PSMD14: variants seen among roughly 807,000 people sequenced by gnomAD.
PSMD14 encodes ubiquitin C-terminal hydrolase PSMD14.
PSMD14 carries 7 observed loss-of-function variants against 41.2 expected under a neutral mutation model. That is an observed-to-expected ratio of 0.17 (90% confidence interval 0.10 to 0.32). The LOEUF is 0.32. Among genes scored for constraint, PSMD14 ranks in the 10% least tolerant of loss-of-function variants. The probability of loss-of-function intolerance (pLI) is 1.00; values close to 1 mark genes in which losing one functional copy is unlikely to be tolerated. For missense variants in PSMD14, 139 were observed against 375.6 expected (o/e 0.37, Z 5.21); for synonymous variants, 114 against 122.3 (o/e 0.93, Z 0.45).
At chr2:161,319,584 T>A (rs1689181645) in intron 3 of PSMD14, among the ~76,000 whole-genome samples, 1 of 152,092 alleles carries the variant, frequency 6.6e-6, no homozygotes, top group Non-Finnish European at 1.5e-5. Context: ...AAGAAATGAC[T>A]ATGTGTATTT....
intron 8 of PSMD14, among the ~76,000 whole-genome samples, chr2:161,390,582 T>C (rs915991502): frequency 2.6e-5 from 4 of 152,146 alleles, no homozygotes. Context: ...GATAAGAGCA[T>C]GAGCTAGACA....
chr2:161,354,121 G>A (rs1376770768), intron 3 of PSMD14, among the ~76,000 whole-genome samples: 2 of 152,248 alleles, frequency 1.3e-5, no homozygotes, highest in South Asian at 2.1e-4. Context: ...GTTATGAGAC[G>A]TTCAGGTTCT....
chr2:161,333,771 G>A (rs1388347362), intron 3 of PSMD14, among the ~76,000 whole-genome samples: 2 of 152,044 alleles, frequency 1.3e-5, no homozygotes, highest in South Asian at 2.1e-4. Context: ...GGTGGCTCAC[G>A]CCTGTAATCC....
Position 161,367,488 on chromosome 2 carries a change from C to T in PSMD14, c.59C>T (p.Thr20Ile). Reference protein sequence around the residue: ...GMPGLGQGPPTDAPAVDTAEQ... With the variant: ...GMPGLGQGPPIDAPAVDTAEQ... ...TGTATTTGTTTCTAGGGGCCACCTACAGATGCTCCTGCAGTGGACACAGCA... is the reference window on the plus strand; with the variant it reads ...TGTATTTGTTTCTAGGGGCCACCTATAGATGCTCCTGCAGTGGACACAGCA... Residue 20 changes from threonine (T) to isoleucine (I), a missense_variant, in exon 4 of 12, where the codon ACA becomes ATA. This residue lies in a region of PSMD14 where 24 missense variants were observed against 55.3 expected (regional missense o/e 0.43). Transcript: ENST00000409682. The T allele has an allele frequency of 6.3e-7, 1 of 1,595,246 alleles. No homozygotes were observed. The highest frequency in any genetic ancestry group is 1.1e-5 in the South Asian group (1 of 87,790).
chr2:161,410,310 G>T (rs887825713), intron 11 of PSMD14, among the ~76,000 whole-genome samples: 2 of 151,504 alleles, frequency 1.3e-5, no homozygotes, highest in African/African-American at 4.8e-5. Context: ...TCTCTGGGTT[G>T]TTTAAAAAAA....
chr2:161,368,415 T>C (rs990071304), intron 5 of PSMD14, among the ~76,000 whole-genome samples: 5 of 152,162 alleles, frequency 3.3e-5, no homozygotes, highest in African/African-American at 1.2e-4. Flanking sequence ...AACCTGAATA[T>C]TTTTTTCCCA....
intron 3 of PSMD14, among the ~76,000 whole-genome samples, chr2:161,334,914 C>T (rs899673632): frequency 4.6e-5 from 7 of 152,204 alleles, no homozygotes; most frequent in Non-Finnish European, 8.8e-5. Context: ...GAAACAGGCA[C>T]TGTGTCATCT....
At chr2:161,373,736 A>G (rs773029567) in intron 7 of PSMD14, among the ~76,000 whole-genome samples, 11 of 152,042 alleles carry the variant, frequency 7.2e-5, no homozygotes, top group Middle Eastern at 3.4e-3. Context: ...ACTTTCTTGA[A>G]CATTTTGTAT....
At position 161,384,086 on chromosome 2, in the gene PSMD14, A is replaced by T. The variant is rs552017600; in HGVS notation, c.463-1378A>T. 33 of 151,784 alleles carry T rather than the reference A, an allele frequency of 2.2e-4. 1 individual carries two copies. The East Asian group carries it at 6.2e-3, about 29-fold the overall frequency. 9.4% of individuals were successfully genotyped at this position (151,784 alleles called of 1,614,324 possible). A position where few individuals can be genotyped will look rare whatever the true frequency, so the allele number is the denominator to read the frequency against. On this transcript the variant is annotated intron_variant, in intron 7 of 11. Coordinates refer to ENST00000409682, the MANE Select transcript of PSMD14 (RefSeq NM_005805.6). Reference sequence around the variant, plus strand: ...TAAGGTTATTGTATAAAAAGAAAAAAGTTTTCACAAACTATTAATTCATGT... The same window carrying T: ...TAAGGTTATTGTATAAAAAGAAAAATGTTTTCACAAACTATTAATTCATGT...
chr2:161,369,185 T>C (rs904835106), intron 5 of PSMD14, among the ~76,000 whole-genome samples: 1 of 152,046 alleles, frequency 6.6e-6, no homozygotes, highest in Non-Finnish European at 1.5e-5. Context: ...GGCTTTAATA[T>C]CATTACTTCC....
intron 3 of PSMD14, among the ~76,000 whole-genome samples, chr2:161,327,893 C>CA (rs1682723508): frequency 6.9e-6 from 1 of 144,824 alleles, no homozygotes; most frequent in Non-Finnish European, 1.5e-5. Context: ...AACAAACAAA[C>CA]CTGTGGAATT....
At chr2:161,347,350 A>G (rs1159619575) in intron 3 of PSMD14, among the ~76,000 whole-genome samples, 1 of 152,092 alleles carries the variant, frequency 6.6e-6, no homozygotes, top group African/African-American at 2.4e-5. Flanking sequence ...AGGTCTTGCT[A>G]TATCAACAGG....
chr2:161,388,425 A>T (rs1360707375), intron 8 of PSMD14, among the ~76,000 whole-genome samples: 3 of 152,108 alleles, frequency 2.0e-5, no homozygotes, highest in Non-Finnish European at 4.4e-5. Flanking sequence ...AGACTGCTTC[A>T]TTCTTTTATA....
At position 161,397,471 on chromosome 2, in the gene PSMD14, A is replaced by G. The variant is rs566021463; in HGVS notation, c.771+2268A>G. Among the ~76,000 whole-genome samples, 5 of 152,294 alleles carry G rather than the reference A, an allele frequency of 3.3e-5. No individual in the cohort carries two copies. In the South Asian group the frequency reaches 1.0e-3, roughly 32 times the overall value. ...TTTCAATTTAGGTAGAAGTAGAAGGATTGAGGAAGGAGGTAAAGAGTTTAT... is the reference window on the plus strand; with the variant it reads ...TTTCAATTTAGGTAGAAGTAGAAGGGTTGAGGAAGGAGGTAAAGAGTTTAT... On this transcript the variant is annotated intron_variant, in intron 10 of 11. Transcript: ENST00000409682.
intron 9 of PSMD14, among the ~76,000 whole-genome samples, chr2:161,392,149 T>C (rs2105266903): frequency 6.6e-6 from 1 of 152,290 alleles, no homozygotes; most frequent in South Asian, 2.1e-4. Context: ...CTGCCTGTTG[T>C]TTTTTGATAT....
At chr2:161,410,078 G>A (rs1684002561) in intron 11 of PSMD14, among the ~76,000 whole-genome samples, 1 of 152,124 alleles carries the variant, frequency 6.6e-6, no homozygotes, top group African/African-American at 2.4e-5. Flanking sequence ...AATTGGCAAA[G>A]TTTAATAATC....
intron 10 of PSMD14, among the ~76,000 whole-genome samples, chr2:161,398,347 T>C (rs1683830067): frequency 6.6e-6 from 1 of 152,068 alleles, no homozygotes. Context: ...GCCAGTTAGG[T>C]CCTAAAGTAA....
intron 3 of PSMD14, among the ~76,000 whole-genome samples, chr2:161,320,367 T>A (rs956597724): frequency 2.6e-5 from 4 of 152,206 alleles, no homozygotes; most frequent in Non-Finnish European, 5.9e-5. Flanking sequence ...TTGAGCTACA[T>A]TATATGTCAA....
rs74833452 is a variant in PSMD14, at chr2:161,315,085, C to G, written c.-137-1352C>G. Among the ~76,000 whole-genome samples the G allele has an allele frequency of 0.014, 2,102 of 152,228 alleles. 109 individuals are homozygous for G. The East Asian group carries it at 0.17, about 12-fold the overall frequency. ...TGAAATTTTGTTTATATCAGTGGTTCTCAATTGAGAGTGATTTTTGAGACA... is the reference window on the plus strand; with the variant it reads ...TGAAATTTTGTTTATATCAGTGGTTGTCAATTGAGAGTGATTTTTGAGACA... On this transcript the variant is annotated intron_variant, in intron 1 of 11. Transcript: ENST00000409682.
Sources: allele counts gnomAD v4.1 joint callset (sites outside exome capture counted in the v4.1 genomes callset), GRCh38; gene constraint gnomAD v4.1.1; regional missense constraint gnomAD v4.1.1; transcripts MANE v1.5; gene names NCBI Gene and HGNC (gene_info 2026-07-23, HGNC 2026-07-21).